The following OR2L13 variants were observed in gnomAD, a reference collection of about 807,000 sequenced individuals.
OR2L13 encodes the protein olfactory receptor 2L13.
OR2L13 carries 14 observed loss-of-function variants against 15.3 expected under a neutral mutation model. The ratio of observed to expected loss-of-function variants is 0.91; its 90% CI spans 0.60 to 1.43. The LOEUF is 1.43. Ranked by LOEUF, OR2L13 falls within the 40% of genes most tolerant of loss-of-function variation. The probability of loss-of-function intolerance (pLI) is 0.00; values close to 1 mark genes in which losing one functional copy is unlikely to be tolerated. For missense variants in OR2L13, 367 were observed against 387.9 expected, an observed-to-expected ratio of 0.95 and a Z score of 0.45; for synonymous variants, 152 against 142.9, an observed-to-expected ratio of 1.06 and a Z score of -0.45.
the OR2L13 span, among the ~76,000 whole-genome samples, chr1:247,954,778 T>G: frequency 6.6e-6 from 1 of 152,208 alleles, no homozygotes; most frequent in Admixed American, 6.5e-5. Context: ...GTTTTCATCA[T>G]GTTCAGGAGG....
the OR2L13 span, chr1:248,023,792 G>T: frequency 2.6e-5 from 4 of 152,124 alleles, no homozygotes; most frequent in African/African-American, 9.7e-5. Flanking sequence ...CCTGAGAAAC[G>T]CTTTAGTCTC....
At chr1:247,943,677 TA>T in the OR2L13 span, among the ~76,000 whole-genome samples, 3 of 152,282 alleles carry the variant, frequency 2.0e-5, no homozygotes, top group Non-Finnish European at 4.4e-5. Context: ...ATCAGGATAT[TA>T]ACTTTTTACT....
chr1:248,100,188 G>T, exon 3 of OR2L13: 1 of 1,613,754 alleles, frequency 6.2e-7, no homozygotes, highest in Non-Finnish European at 8.5e-7. Context: ...CTGAAGACAA[G>T]ATCCTGGCAG....
chr1:247,937,399 GC>G, the OR2L13 span: 1 of 156,730 alleles, frequency 6.4e-6, no homozygotes, highest in Non-Finnish European at 1.4e-5. Context: ...CAGACGAGAG[GC>G]CCCCTGGGGA....
At chr1:248,092,237 C>T (rs982353679), upstream of OR2L13, among the ~76,000 whole-genome samples, 3 of 152,152 alleles carry the variant, frequency 2.0e-5, no homozygotes, top group African/African-American at 7.2e-5. Context: ...GATATGTTGA[C>T]TTCCTTCCTT....
the OR2L13 span, chr1:247,948,783 C>T: frequency 8.0e-7 from 1 of 1,253,580 alleles, no homozygotes; most frequent in Non-Finnish European, 1.1e-6. Flanking sequence ...GAATGCATCC[C>T]CTGCAGATAA....
chr1:247,976,748 G>A, the OR2L13 span, among the ~76,000 whole-genome samples: 1 of 152,108 alleles, frequency 6.6e-6, no homozygotes, highest in Admixed American at 6.5e-5. Flanking sequence ...TCTCTCCACT[G>A]GCTAATTCAC....
the OR2L13 span, among the ~76,000 whole-genome samples, chr1:247,958,630 A>G: frequency 5.3e-5 from 8 of 152,198 alleles, no homozygotes; most frequent in East Asian, 1.5e-3. Flanking sequence ...GTGCTCCTGT[A>G]TTGGGTGCAT....
the OR2L13 span, chr1:247,949,832 C>T: frequency 1.3e-6 from 2 of 1,507,378 alleles, no homozygotes; most frequent in South Asian, 1.2e-5. Flanking sequence ...GACTCAGATA[C>T]ACATCCATTC....
the OR2L13 span, chr1:247,975,465 T>G: frequency 1.3e-6 from 1 of 793,980 alleles, no homozygotes; most frequent in East Asian, 2.6e-5. Context: ...CTGTAGTAAT[T>G]TTCTACTATG....
At chr1:248,069,701 C>T in the OR2L13 span, among the ~76,000 whole-genome samples, 3 of 152,072 alleles carry the variant, frequency 2.0e-5, no homozygotes, top group Middle Eastern at 3.2e-3. Flanking sequence ...AGAGTCAAGA[C>T]CCATCAGTGT....
chr1:248,032,036 C>A, the OR2L13 span, among the ~76,000 whole-genome samples: 1 of 152,026 alleles, frequency 6.6e-6, no homozygotes, highest in Non-Finnish European at 1.5e-5. Context: ...TCAAATAGTA[C>A]ATATTCTAAT....
exon 3 of OR2L13, chr1:248,099,546 G>C: frequency 6.2e-7 from 1 of 1,613,920 alleles, no homozygotes. Flanking sequence ...TCCACACACC[G>C]ATGTACTTTC....
chr1:247,972,565 GA>G, the OR2L13 span, among the ~76,000 whole-genome samples: 2 of 152,066 alleles, frequency 1.3e-5, no homozygotes, highest in Middle Eastern at 3.2e-3. Context: ...ACTAAACCAG[GA>G]AGAAGTCGAA....
chr1:248,063,358 T>C, the OR2L13 span: 5 of 152,280 alleles, frequency 3.3e-5, no homozygotes, highest in Admixed American at 3.3e-4. Flanking sequence ...ATGTCATTTC[T>C]ATTTCTAAGC....
the OR2L13 span, among the ~76,000 whole-genome samples, chr1:248,014,831 A>G: frequency 3.9e-5 from 6 of 152,288 alleles, no homozygotes; most frequent in African/African-American, 1.4e-4. Context: ...ACATTCAGCA[A>G]CAAAAGCTTA....
chr1:248,065,704 G>A, the OR2L13 span, among the ~76,000 whole-genome samples: 169 of 151,216 alleles, frequency 1.1e-3, no homozygotes, highest in African/African-American at 3.8e-3. Context: ...TTGTCCTTGC[G>A]ATAGTTTACT....
At chr1:247,954,382 G>A in the OR2L13 span, among the ~76,000 whole-genome samples, 1 of 152,092 alleles carries the variant, frequency 6.6e-6, no homozygotes. Flanking sequence ...AAATTGGATG[G>A]AGGTCAATTT....
At chr1:247,972,114 A>T in the OR2L13 span, among the ~76,000 whole-genome samples, 4 of 152,204 alleles carry the variant, frequency 2.6e-5, no homozygotes, top group Admixed American at 6.5e-5. Context: ...GGACACAGCT[A>T]AAGCGGTGTT....
Sources: allele counts gnomAD v4.1 joint callset (sites outside exome capture counted in the v4.1 genomes callset), GRCh38; gene constraint gnomAD v4.1.1; transcripts MANE v1.5; gene names NCBI Gene and HGNC (gene_info 2026-07-23, HGNC 2026-07-21).